The following MGAT4C variants were observed in gnomAD, a reference collection of about 807,000 sequenced individuals.
MGAT4C encodes the protein alpha-1,3-mannosyl-glycoprotein 4-beta-N-acetylglucosaminyltransferase C.
In MGAT4C, 19 loss-of-function variants were observed where a neutral mutation model predicts 40.1. The observed-to-expected ratio is 0.47, with a 90% confidence interval of 0.33 to 0.70. The LOEUF is 0.70. MGAT4C is among the 30% of genes least tolerant of loss of function. The pLI is 0.02. For synonymous variants in MGAT4C, 181 were observed against 187.1 expected, an observed-to-expected ratio of 0.97 and a Z score of 0.27; for missense variants, 491 against 563.2, an observed-to-expected ratio of 0.87 and a Z score of 1.30.
At chr12:86,206,927 A>C (rs575944633) in intron 1 of MGAT4C, among the ~76,000 whole-genome samples, 85 of 152,274 alleles carry the variant, frequency 5.6e-4, no homozygotes, top group African/African-American at 2.0e-3. Flanking sequence ...ACATTTGCCA[A>C]ATAACTGCCA....
At chr12:86,025,152 T>G (rs1362519647) in intron 2 of MGAT4C, among the ~76,000 whole-genome samples, 1 of 151,708 alleles carries the variant, frequency 6.6e-6, no homozygotes, top group Admixed American at 6.6e-5. Flanking sequence ...TTTATACCAA[T>G]ATTTCAGCTT....
chr12:86,019,853 C>T (rs925523966), intron 2 of MGAT4C, among the ~76,000 whole-genome samples: 3 of 151,998 alleles, frequency 2.0e-5, no homozygotes, highest in Non-Finnish European at 4.4e-5. Context: ...TGTTTGTATC[C>T]TCTTTTATTT....
chr12:86,774,639 C>A lies in MGAT4C; in HGVS notation c.-261-47398G>T, dbSNP rs567478106. ...TGCAGTTTGTATATAAAATAATTCA[C>A]CACATTTATCAATTTAATTCCAATT... On this transcript the variant is annotated intron_variant, in intron 1 of 7. Transcript: ENST00000548651. 1.2e-4 allele frequency among the ~76,000 whole-genome samples: 19 copies of A among 152,048 alleles called. No homozygotes were observed. The South Asian group carries it at 3.9e-3, about 32-fold the overall frequency.
intron 2 of MGAT4C, among the ~76,000 whole-genome samples, chr12:86,035,040 C>T (rs929285085): frequency 2.7e-5 from 4 of 149,978 alleles, no homozygotes; most frequent in Non-Finnish European, 4.5e-5. Context: ...AATAAACATA[C>T]GTGTGCATGT....
chr12:86,087,698 A>G (rs1872133087), intron 1 of MGAT4C, among the ~76,000 whole-genome samples: 1 of 152,038 alleles, frequency 6.6e-6, no homozygotes, highest in South Asian at 2.1e-4. Context: ...GAGATGAAAG[A>G]TTTCTACAAT....
At chr12:86,791,431 GTTTTTTT>G (rs77404320) in intron 1 of MGAT4C, among the ~76,000 whole-genome samples, 5 of 144,110 alleles carry the variant, frequency 3.5e-5, no homozygotes, top group African/African-American at 5.2e-5. Flanking sequence ...GCTTTAAACT[GTTTTTTT>G]TTTTTTTTTT....
At chr12:86,784,940 G>C (rs1357823254) in intron 1 of MGAT4C, among the ~76,000 whole-genome samples, 2 of 151,968 alleles carry the variant, frequency 1.3e-5, no homozygotes, top group Non-Finnish European at 2.9e-5. Context: ...AACCATATCA[G>C]TTTCATATCA....
In MGAT4C at chr12:86,408,448, A is replaced by ACTCTCTCTCT. The variant is rs1174416641; in HGVS notation, c.-120+26699_-120+26708dup. Among the ~76,000 whole-genome samples the ACTCTCTCTCT allele has an allele frequency of 6.5e-3, 191 of 29,300 alleles. 4 individuals carry two copies. The highest frequency in any genetic ancestry group is 0.01 in the African/African-American group (74 of 7,156). The allele number at this position is 29,300 out of a possible 152,430, so 19.2% of individuals were successfully genotyped here. On this transcript the variant is annotated intron_variant, in intron 3 of 7. Transcript: ENST00000548651. ...GGAATAAATTGTTATTACATAGTAA[A>ACTCTCTCTCT]CTCTCTCTCTCTCTCTCTCTCTCTC...
intron 2 of MGAT4C, among the ~76,000 whole-genome samples, chr12:86,724,029 CG>C: frequency 6.6e-6 from 1 of 151,904 alleles, no homozygotes; most frequent in South Asian, 2.1e-4. Flanking sequence ...TGTATTTGTT[CG>C]ATACAATACC....
At chr12:86,809,443 T>C (rs1375865141) in intron 1 of MGAT4C, among the ~76,000 whole-genome samples, 2 of 152,176 alleles carry the variant, frequency 1.3e-5, no homozygotes, top group East Asian at 1.9e-4. Flanking sequence ...TGTTTACTTT[T>C]ACAAGAAATT....
chr12:86,335,759 A>G (rs1954772408), intron 3 of MGAT4C, among the ~76,000 whole-genome samples: 1 of 152,182 alleles, frequency 6.6e-6, no homozygotes, highest in African/African-American at 2.4e-5. Flanking sequence ...TCTGGAATGC[A>G]TGACTATCAA....
At chr12:86,582,187 C>A (rs1960809071) in intron 2 of MGAT4C, among the ~76,000 whole-genome samples, 1 of 151,422 alleles carries the variant, frequency 6.6e-6, no homozygotes, top group African/African-American at 2.4e-5. Context: ...AAGACCAATG[C>A]AATCTTTTCA....
intron 1 of MGAT4C, among the ~76,000 whole-genome samples, chr12:86,781,341 T>G (rs1951836783): frequency 6.6e-6 from 1 of 152,064 alleles, no homozygotes; most frequent in South Asian, 2.1e-4. Flanking sequence ...ACTTTCGTAA[T>G]AGCCATTCTG....
chr12:86,444,705 C>T (rs1957302062), intron 2 of MGAT4C, among the ~76,000 whole-genome samples: 1 of 152,060 alleles, frequency 6.6e-6, no homozygotes, highest in Non-Finnish European at 1.5e-5. Context: ...TTTATTCTAA[C>T]AAAAATGCAT....
intron 1 of MGAT4C, among the ~76,000 whole-genome samples, chr12:86,253,820 T>G (rs944349600): frequency 8.6e-5 from 13 of 151,942 alleles, no homozygotes. Context: ...TATTGTGCAT[T>G]CAATCATTAC....
intron 2 of MGAT4C, among the ~76,000 whole-genome samples, chr12:86,670,887 C>T (rs913850752): frequency 6.6e-5 from 10 of 152,134 alleles, no homozygotes; most frequent in Admixed American, 6.5e-5. Context: ...CAAAATATCT[C>T]GCTTTTATGA....
chr12:86,173,564 T>A (rs970549398), intron 1 of MGAT4C, among the ~76,000 whole-genome samples: 1 of 152,158 alleles, frequency 6.6e-6, no homozygotes, highest in African/African-American at 2.4e-5. Context: ...ATATCACATT[T>A]ATTTGCATTT....
At chr12:86,036,151 A>G (rs776893858) in intron 2 of MGAT4C, among the ~76,000 whole-genome samples, 1 of 150,122 alleles carries the variant, frequency 6.7e-6, no homozygotes, top group Non-Finnish European at 1.5e-5. Flanking sequence ...CATCGAATCT[A>G]TAAATTACTT....
At chr12:86,295,383 T>C (rs1023132623) in intron 4 of MGAT4C, among the ~76,000 whole-genome samples, 75 of 152,310 alleles carry the variant, frequency 4.9e-4, no homozygotes, top group African/African-American at 1.6e-3. Context: ...GCGGTGAGTG[T>C]TACAGCTCTT....
Sources: allele counts gnomAD v4.1 joint callset (sites outside exome capture counted in the v4.1 genomes callset), GRCh38; gene constraint gnomAD v4.1.1; transcripts MANE v1.5; gene names NCBI Gene and HGNC (gene_info 2026-07-23, HGNC 2026-07-21).